The following LITAF variants were observed in gnomAD, a reference collection of about 807,000 sequenced individuals.
LITAF encodes the protein lipopolysaccharide induced TNF factor.
In LITAF, 9 loss-of-function variants were observed where a neutral mutation model predicts 14.5. The ratio of observed to expected loss-of-function variants is 0.62; its 90% CI spans 0.37 to 1.08. The LOEUF (loss-of-function observed/expected upper bound fraction) is 1.08, where lower values mean the gene tolerates loss of function less well. Among genes scored for constraint, LITAF ranks in the 50% least tolerant of loss-of-function variants. The pLI is 0.01. For synonymous variants in LITAF, 98 were observed against 88.2 expected (o/e 1.11, Z -0.62); for missense variants, 206 against 213.4 (o/e 0.97, Z 0.22).
upstream of LITAF, among the ~76,000 whole-genome samples, chr16:11,638,032 C>CTATATATATCTATATATATATCTA (rs1368034314): frequency 6.7e-4 from 56 of 83,404 alleles, 3 homozygotes; most frequent in African/African-American, 3.4e-3. Flanking sequence ...ATCTATATAT[C>CTATATATATCTATATATATATCTA]TATATATATC....
rs1255256050 is a variant in LITAF, at chr16:11,558,667, C to T, written c.-5-1932G>A. On this transcript the variant is annotated intron_variant, in intron 1 of 3. Coordinates refer to ENST00000622633, the MANE Select transcript of LITAF (RefSeq NM_001136472.2). The surrounding 1 kb of genome is among the most constrained non-coding windows in gnomAD (Gnocchi z 4.1). ...AGGCTGCAGTGAGCCATGATCACTC[C>T]ACTGCACTCCAGCCTGGGAAACAGA... 6.6e-6 allele frequency among the ~76,000 whole-genome samples: 1 copy of T among 152,080 alleles called. No homozygotes were observed. Among genetic ancestry groups the T allele is most frequent in the Non-Finnish European group, 1.5e-5 (1 of 68,014 alleles).
At chr16:11,581,798 C>T (rs1257623007) in intron 1 of LITAF, among the ~76,000 whole-genome samples, 1 of 151,928 alleles carries the variant, frequency 6.6e-6, no homozygotes, top group Non-Finnish European at 1.5e-5. Context: ...CAAACTCTGC[C>T]CAGCTGAATG....
chr16:11,582,271 T>C (rs929116764), intron 1 of LITAF, among the ~76,000 whole-genome samples: 10 of 150,550 alleles, frequency 6.6e-5, no homozygotes, highest in African/African-American at 2.0e-4. Context: ...TTTAAAGGGT[T>C]TGAAAACAAG....
At chr16:11,621,656 G>A (rs1176420367) in intron 3 of LITAF, among the ~76,000 whole-genome samples, 4 of 152,056 alleles carry the variant, frequency 2.6e-5, no homozygotes, top group Admixed American at 6.6e-5. Flanking sequence ...CACAACCCAC[G>A]TTCTACACAG....
At chr16:11,621,012 C>T (rs1170413368) in intron 3 of LITAF, among the ~76,000 whole-genome samples, 1 of 152,088 alleles carries the variant, frequency 6.6e-6, no homozygotes, top group Non-Finnish European at 1.5e-5. Flanking sequence ...CCTGCCACCT[C>T]AGTCTCCTGA....
intron 1 of LITAF, among the ~76,000 whole-genome samples, chr16:11,577,091 T>G (rs2064648282): frequency 6.6e-6 from 1 of 152,176 alleles, no homozygotes; most frequent in South Asian, 2.1e-4. Context: ...TCCTAATTGC[T>G]TCCTGTCTGC....
Position 11,553,845 on chromosome 16 carries a change from G to T in LITAF, c.221-156C>A. On this transcript the variant is annotated intron_variant, in intron 2 of 3. Coordinates refer to ENST00000622633, the MANE Select transcript of LITAF (RefSeq NM_001136472.2). The surrounding 1 kb of genome is among the most constrained non-coding windows in gnomAD (Gnocchi z 7.7). Reference sequence around the variant, plus strand: ...GTTCATCGTCTGGCTATCTATGAGAGCCAAAAGGGGAAGGAACACCAGTGT... The same window carrying T: ...GTTCATCGTCTGGCTATCTATGAGATCCAAAAGGGGAAGGAACACCAGTGT... The T allele has an allele frequency of 1.3e-6, 1 of 792,658 alleles. No individual in the cohort carries two copies. The highest frequency in any genetic ancestry group is 2.1e-6 in the Non-Finnish European group (1 of 487,108). The allele number at this position is 792,658 out of a possible 1,614,324, so 49.1% of individuals were successfully genotyped here.
At chr16:11,628,909 C>A (rs1215614961) in intron 3 of LITAF, among the ~76,000 whole-genome samples, 2 of 152,218 alleles carry the variant, frequency 1.3e-5, no homozygotes, top group Non-Finnish European at 2.9e-5. Flanking sequence ...CTCCTGACCT[C>A]AAGTGATCTG....
rs2064215812 is a variant in LITAF, at chr16:11,553,542, C to T, written c.368G>A (p.Cys123Tyr). The T allele has an allele frequency of 6.2e-7, 1 of 1,614,074 alleles. No individual in the cohort carries two copies. The highest frequency in any genetic ancestry group is 8.5e-7 in the Non-Finnish European group (1 of 1,180,016). ...TGGGAGGCAGACTCACCCCAGCAGG[C>T]ACAGGCTCCCGCAGGACAGCCAGGT... ...ALTWLSCGSL[C>Y]LLGCIAGCCF... Residue 123 changes from cysteine to tyrosine, a missense_variant, in exon 3 of 4, where the codon TGC becomes TAC. Coordinates refer to ENST00000622633, the MANE Select transcript of LITAF (RefSeq NM_001136472.2). This position sits in a 1 kb window ranked among gnomAD's most constrained non-coding sequence, Gnocchi z 7.7.
chr16:11,577,959 G>A (rs1187859478), intron 1 of LITAF, among the ~76,000 whole-genome samples: 2 of 151,826 alleles, frequency 1.3e-5, no homozygotes, highest in Non-Finnish European at 2.9e-5. Flanking sequence ...GCAATGGCTT[G>A]ATCGTAACTC....
intron 1 of LITAF, among the ~76,000 whole-genome samples, chr16:11,573,396 T>G (rs182063413): frequency 1.3e-5 from 2 of 152,302 alleles, no homozygotes; most frequent in Admixed American, 1.3e-4. Context: ...AAATTTAACA[T>G]GAACAAGTCC....
At chr16:11,581,757 C>A (rs1410630808) in intron 1 of LITAF, among the ~76,000 whole-genome samples, 1 of 152,114 alleles carries the variant, frequency 6.6e-6, no homozygotes, top group Non-Finnish European at 1.5e-5. Context: ...CCTAGAATTT[C>A]AGCAAAAGAA....
chr16:11,600,565 T>C (rs951462573), upstream of LITAF, among the ~76,000 whole-genome samples: 1 of 152,224 alleles, frequency 6.6e-6, no homozygotes, highest in African/African-American at 2.4e-5. The surrounding 1 kb of genome is among the most constrained non-coding windows in gnomAD (Gnocchi z 4.1). Context: ...TTTGGCATGC[T>C]TTCCTCTAGC....
upstream of LITAF, among the ~76,000 whole-genome samples, chr16:11,638,741 A>C (rs995693523): frequency 7.0e-6 from 1 of 142,448 alleles, no homozygotes; most frequent in Admixed American, 7.1e-5. Context: ...AAAAAAAAAA[A>C]CCCTGGAAAT....
intron 3 of LITAF, among the ~76,000 whole-genome samples, chr16:11,631,928 C>A (rs796526207): frequency 1.6e-4 from 24 of 151,132 alleles, no homozygotes; most frequent in African/African-American, 5.6e-4. Flanking sequence ...CAGCTCACTG[C>A]AATCTCTGCC....
chr16:11,603,223 T>C (rs1046313636), upstream of LITAF, among the ~76,000 whole-genome samples: 2 of 152,246 alleles, frequency 1.3e-5, no homozygotes, highest in Non-Finnish European at 2.9e-5. Flanking sequence ...GTACTATTTG[T>C]GTGTTTCTTT....
intron 3 of LITAF, among the ~76,000 whole-genome samples, chr16:11,551,472 G>T (rs936510555): frequency 1.1e-4 from 16 of 152,176 alleles, no homozygotes; most frequent in African/African-American, 3.9e-4. Flanking sequence ...CCATGTTTAA[G>T]GAAGGAACAA....
chr16:11,552,960 A>G (rs1427609537), intron 3 of LITAF, among the ~76,000 whole-genome samples: 2 of 150,494 alleles, frequency 1.3e-5, no homozygotes, highest in South Asian at 2.1e-4. Context: ...CTAAAAGTAC[A>G]AAATATTAGC....
At chr16:11,611,460 T>C (rs2064981685) in intron 3 of LITAF, among the ~76,000 whole-genome samples, 1 of 152,172 alleles carries the variant, frequency 6.6e-6, no homozygotes, top group Non-Finnish European at 1.5e-5. Flanking sequence ...CATTTGTTGT[T>C]TCTCTGACAT....
Sources: allele counts gnomAD v4.1 joint callset (sites outside exome capture counted in the v4.1 genomes callset), GRCh38; gene constraint gnomAD v4.1.1; non-coding constraint Gnocchi (gnomAD v3.1); transcripts MANE v1.5; gene names NCBI Gene and HGNC (gene_info 2026-07-23, HGNC 2026-07-21).